Variants in MYO5C observed in about 807,000 individuals in gnomAD.
The protein encoded by MYO5C is unconventional myosin-Vc.
In MYO5C, 194 loss-of-function variants were observed where a neutral mutation model predicts 235.7. That is an observed-to-expected ratio of 0.82 (90% CI 0.73 to 0.93). MYO5C has a LOEUF of 0.93. Among genes scored for constraint, MYO5C ranks in the 40% least tolerant of loss-of-function variants. MYO5C has a pLI of 0.00. For missense variants in MYO5C, 2,038 were observed against 2,127.2 expected, an observed-to-expected ratio of 0.96 and a Z score of 0.82; for synonymous variants, 707 against 754.8, an observed-to-expected ratio of 0.94 and a Z score of 1.04.
chr15:52,214,557 G>C, intron 33 of MYO5C, 46 bp downstream of exon 33: 1 of 1,355,138 alleles, frequency 7.4e-7, no homozygotes, highest in Non-Finnish European at 1.0e-6. Flanking sequence ...TTGAGCGCAT[G>C]TTAGCCTTAG....
intron 33 of MYO5C, among the ~76,000 whole-genome samples, chr15:52,213,887 AT>A (rs985746661): frequency 6.6e-6 from 1 of 152,216 alleles, no homozygotes; most frequent in Non-Finnish European, 1.5e-5. Flanking sequence ...GCAGACTGCC[AT>A]TTGTCATTTA....
At chr15:52,253,539 A>G in intron 11 of MYO5C, 82 bp from the exon 12 acceptor site, 4 of 1,260,554 alleles carry the variant, frequency 3.2e-6, no homozygotes, top group Non-Finnish European at 4.5e-6. Context: ...CATTTGGAAA[A>G]TGTAAATGGT....
chr15:52,244,876 G>A (rs1233386904), intron 18 of MYO5C, among the ~76,000 whole-genome samples: 1 of 152,226 alleles, frequency 6.6e-6, no homozygotes, highest in Non-Finnish European at 1.5e-5. Flanking sequence ...TCTCCACATT[G>A]GAGTAGAAGA....
At chr15:52,254,317 A>C (rs79134753) in intron 11 of MYO5C, among the ~76,000 whole-genome samples, 6,381 of 152,260 alleles carry the variant, frequency 0.042, 251 homozygotes, top group East Asian at 0.11. Context: ...ACTCAGCCCG[A>C]TGCTCTTGAT....
In MYO5C at chr15:52,253,330, T is replaced by A; in HGVS notation, c.1523A>T (p.Asp508Val). 6.2e-7 allele frequency: 1 copy of A among 1,607,208 alleles called. No individual in the cohort carries two copies. The highest frequency in any genetic ancestry group is 1.1e-5 in the South Asian group (1 of 89,648). Residue 508 changes from aspartate (D) to valine (V), a missense_variant, in exon 12 of 41, where the codon GAT becomes GTT. Physicochemically the swap from Asp to Val is radical, Grantham distance 152 (BLOSUM62 -3). Coordinates refer to ENST00000261839, the MANE Select transcript of MYO5C (RefSeq NM_018728.4). ...CTTAAAAGTTACCAAACATTCTTCA[T>A]CCAGTAACTCCAGAATTCCCATTTT... ...EAKMGILELLDEECLLPHGTD... is the reference protein window; with the variant it reads ...EAKMGILELLVEECLLPHGTD...
At chr15:52,253,152 G>C (rs546967751) in intron 12 of MYO5C, among the ~76,000 whole-genome samples, 165 bp downstream of exon 12, 1 of 152,182 alleles carries the variant, frequency 6.6e-6, no homozygotes, top group Non-Finnish European at 1.5e-5. Context: ...AGGCCCAGTG[G>C]GCCCTCTGGG....
intron 9 of MYO5C, among the ~76,000 whole-genome samples, chr15:52,261,467 G>A (rs2036692806): frequency 6.6e-6 from 1 of 152,248 alleles, no homozygotes; most frequent in African/African-American, 2.4e-5. Context: ...CTGTTCCTGT[G>A]GATGTGGATG....
At position 52,214,807 on chromosome 15, in the gene MYO5C, A is replaced by T; in HGVS notation, c.3955-117T>A. 1.4e-5 allele frequency: 8 copies of T among 580,030 alleles called. 1 individual carries two copies. The South Asian group carries it at 2.0e-4, about 15-fold the overall frequency. The allele number at this position is 580,030 out of a possible 1,614,324, so 35.9% of individuals were successfully genotyped here. On this transcript the variant is annotated intron_variant, in intron 32 of 40. Transcript: ENST00000261839. ...TGCATACCGTACAACTCACCCATTT[A>T]AAGTGTAAACTCAAAGGTTTTTTAG...
At chr15:52,225,238 G>T in intron 26 of MYO5C, 100 bp from the exon 27 acceptor site, 1 of 1,311,744 alleles carries the variant, frequency 7.6e-7, no homozygotes, top group Non-Finnish European at 1.1e-6. Context: ...ACAGTCTCCA[G>T]CTAAATAACT....
chr15:52,260,729 A>G, intron 10 of MYO5C, 133 bp downstream of exon 10: 3 of 1,000,300 alleles, frequency 3.0e-6, no homozygotes, highest in East Asian at 2.6e-5. Flanking sequence ...CTTAGCATCT[A>G]TAGGGGCAAA....
intron 11 of MYO5C, among the ~76,000 whole-genome samples, chr15:52,255,010 C>CAA (rs61685628): frequency 0.03 from 4,322 of 145,764 alleles, 142 homozygotes; most frequent in South Asian, 0.16. Flanking sequence ...AATTCTGGGC[C>CAA]AAAAAAAAAA....
rs374953658 is a variant in MYO5C at position 52,278,907 on chromosome 15, C to T, written c.415G>A (p.Ala139Thr). The T allele has an allele frequency of 5.0e-6, 8 of 1,614,024 alleles. No individual in the cohort carries two copies. In the African/African-American group the frequency reaches 1.1e-4, roughly 22 times the overall value. Residue 139 changes from alanine to threonine, a missense_variant, in exon 4 of 41, where the codon GCC becomes ACC. Coordinates refer to ENST00000261839, the MANE Select transcript of MYO5C (RefSeq NM_018728.4). ...TGCTTGTATGCCTCTTCTGCCACGGCAAATATGTGTGGGTCCATATCGCCC... is the reference window on the plus strand; with the variant it reads ...TGCTTGTATGCCTCTTCTGCCACGGTAAATATGTGTGGGTCCATATCGCCC... Reference protein sequence around the residue: ...NMGDMDPHIFAVAEEAYKQMA... With the variant: ...NMGDMDPHIFTVAEEAYKQMA...
At chr15:52,218,408 G>A in intron 32 of MYO5C, 111 bp downstream of exon 32, 4 of 1,099,132 alleles carry the variant, frequency 3.6e-6, no homozygotes, top group Non-Finnish European at 5.2e-6. Flanking sequence ...TGCTCTGATG[G>A]AAGGACTTTT....
intron 1 of MYO5C, among the ~76,000 whole-genome samples, chr15:52,288,913 C>T (rs2037331878): frequency 6.6e-6 from 1 of 152,198 alleles, no homozygotes; most frequent in African/African-American, 2.4e-5. Context: ...CCAGCCACCC[C>T]CCCAAGGCAC....
At position 52,213,224 on chromosome 15, in the gene MYO5C, C is replaced by T. The variant is rs1372733420; in HGVS notation, c.4105G>A (p.Glu1369Lys). Residue 1369 changes from glutamate to lysine, a missense_variant, in exon 34 of 41, where the codon GAA becomes AAA. Glu to Lys is a moderately conservative substitution (Grantham distance 56). Coordinates refer to ENST00000261839, the MANE Select transcript of MYO5C (RefSeq NM_018728.4). Reference sequence around the variant, plus strand: ...TTCTGAATGAGCTTGGCCTCGTCTTCTCTCTTGTATTGCAGCATTCCAAGG... The same window carrying T: ...TTCTGAATGAGCTTGGCCTCGTCTTTTCTCTTGTATTGCAGCATTCCAAGG... ...EYLGMLQYKR[E>K]DEAKLIQNLI... 1.2e-6 allele frequency: 2 copies of T among 1,614,022 alleles called. No individual in the cohort carries two copies. Among genetic ancestry groups the T allele is most frequent in the Admixed American group, 3.3e-5 (2 of 60,006 alleles).
At position 52,275,731 on chromosome 15, in the gene MYO5C, A is replaced by G. The variant is rs745797563; in HGVS notation, c.450-13T>C. ...GTTTCTGTTGTTTCTAAAGCAAATAAAAGTTTTCAAATATTAGTTTCTTCC... is the reference window on the plus strand; with the variant it reads ...GTTTCTGTTGTTTCTAAAGCAAATAGAAGTTTTCAAATATTAGTTTCTTCC... On this transcript the variant is annotated splice_polypyrimidine_tract_variant and intron_variant, in intron 4 of 40. Transcript: ENST00000261839. 3 of 1,612,978 alleles carry G rather than the reference A, an allele frequency of 1.9e-6. No individual in the cohort carries two copies. In the African/African-American group the frequency reaches 4.0e-5, roughly 22 times the overall value.
rs2140816242 is a variant in MYO5C, at chr15:52,256,676, T to C, written c.1358A>G (p.Asn453Ser). Residue 453 changes from asparagine to serine, a missense_variant, in exon 11 of 41, where the codon AAT becomes AGT. Asn to Ser is a conservative substitution (Grantham distance 46). Transcript: ENST00000261839. ...TTGTTGCAGTTTTTCATTAGCGTAATTGATGCAAAATTGTTCAAAGCTGTT... is the reference window on the plus strand; with the variant it reads ...TTGTTGCAGTTTTTCATTAGCGTAACTGATGCAAAATTGTTCAAAGCTGTT... ...DVNSFEQFCI[N>S]YANEKLQQQF... 2 of 1,613,520 alleles carry C rather than the reference T, an allele frequency of 1.2e-6. No homozygotes were observed. The highest frequency in any genetic ancestry group is 2.2e-5 in the South Asian group (2 of 91,054).
intron 36 of MYO5C, among the ~76,000 whole-genome samples, chr15:52,206,377 G>C (rs1189058503): frequency 6.6e-6 from 1 of 152,192 alleles, no homozygotes; most frequent in Non-Finnish European, 1.5e-5. Flanking sequence ...ATTTTAAAGT[G>C]TGTGTTATGG....
intron 1 of MYO5C, among the ~76,000 whole-genome samples, chr15:52,288,411 C>T (rs2037321061): frequency 1.3e-5 from 2 of 152,184 alleles, no homozygotes; most frequent in African/African-American, 4.8e-5. Flanking sequence ...TAACCACTGA[C>T]GGCTTCTCTT....
Sources: gnomAD v4.1 joint callset for allele counts (sites outside exome capture counted in the v4.1 genomes callset) on GRCh38, gnomAD v4.1.1 for gene constraint, MANE v1.5 for transcripts, NCBI Gene and HGNC (gene_info 2026-07-23, HGNC 2026-07-21) for gene names.